The following EYA3 variants were observed in gnomAD, a reference collection of about 807,000 sequenced individuals.
EYA3 encodes protein phosphatase EYA3.
In EYA3, 39 loss-of-function variants were observed where a neutral mutation model predicts 80.0. That is an observed-to-expected ratio of 0.49 (90% CI 0.38 to 0.64). The LOEUF is 0.64. Ranked by LOEUF, EYA3 falls within the 30% of genes least tolerant of loss-of-function variation. The probability of loss-of-function intolerance (pLI) is 0.00; values close to 1 mark genes in which losing one functional copy is unlikely to be tolerated. For missense variants in EYA3, 523 were observed against 676.1 expected (o/e 0.77, Z 2.51); for synonymous variants, 206 against 232.8 (o/e 0.88, Z 1.05).
chr1:28,069,626 A>AG (rs1644953732), intron 1 of EYA3, among the ~76,000 whole-genome samples: 1 of 146,160 alleles, frequency 6.8e-6, no homozygotes, highest in East Asian at 2.1e-4. Flanking sequence ...AGGGAAGAGG[A>AG]GAAGGAAGGA....
In EYA3 at chr1:28,079,379, T is replaced by C. The variant is rs369324810; in HGVS notation, c.-69+9145A>G. ...GTTATTTCACCTGACCATATACACATGAGCAAACTGCTTCATTCCTCAGTC... is the reference window on the plus strand; with the variant it reads ...GTTATTTCACCTGACCATATACACACGAGCAAACTGCTTCATTCCTCAGTC... On this transcript the variant is annotated intron_variant, in intron 1 of 17. Coordinates refer to ENST00000373871, the MANE Select transcript of EYA3 (RefSeq NM_001990.4). 2.4e-4 allele frequency among the ~76,000 whole-genome samples: 36 copies of C among 152,338 alleles called. 1 individual carries two copies. In the South Asian group the frequency reaches 7.5e-3, roughly 32 times the overall value.
chr1:28,030,402 C>T (rs1299969669), intron 6 of EYA3, among the ~76,000 whole-genome samples: 1 of 152,178 alleles, frequency 6.6e-6, no homozygotes, highest in Non-Finnish European at 1.5e-5. Context: ...AAGGGATCCT[C>T]CTGCCTCAAA....
chr1:28,082,602 A>C (rs1203812001), intron 1 of EYA3, among the ~76,000 whole-genome samples: 3 of 152,152 alleles, frequency 2.0e-5, no homozygotes, highest in African/African-American at 7.2e-5. Flanking sequence ...GAATGTCCTT[A>C]ATTTCACATA....
In EYA3 at chr1:27,993,491, A is replaced by G. The variant is rs1417671363; in HGVS notation, c.1212T>C (p.Gly404=). The change falls in exon 14 of 18, where the codon GGT becomes GGC. Residue 404 remains glycine (G), a synonymous_variant. Transcript: ENST00000373871. The part of the protein sequence containing the change: ...GGSGSHGSSV[G]VQGGVDWMRK... The stretch of plus-strand genomic sequence containing the variant: ...TCATCCAGTCCACACCTCCCTGAAC[A>G]CCCACAGATGAACCATGGCTGCCAC... 1 of 1,612,520 alleles carries G rather than the reference A, an allele frequency of 6.2e-7. No individual in the cohort carries two copies. Among genetic ancestry groups the G allele is most frequent in the Non-Finnish European group, 8.5e-7 (1 of 1,179,114 alleles).
chr1:28,052,552 C>G (rs1011403312), intron 2 of EYA3, among the ~76,000 whole-genome samples: 1 of 152,144 alleles, frequency 6.6e-6, no homozygotes, highest in African/African-American at 2.4e-5. Flanking sequence ...ACTCGTACCT[C>G]AAGCCATATG....
At chr1:28,058,198 A>T in intron 1 of EYA3, 104 bp from the exon 2 acceptor site, 1 of 447,348 alleles carries the variant, frequency 2.2e-6, no homozygotes, top group South Asian at 6.1e-5. Context: ...CAAGCTTTCT[A>T]CGTGAGTTCC....
At chr1:28,058,355 T>TTGAA (rs1370937695) in intron 1 of EYA3, among the ~76,000 whole-genome samples, 3 of 152,310 alleles carry the variant, frequency 2.0e-5, no homozygotes, top group African/African-American at 7.2e-5. Flanking sequence ...GCCTAATGCA[T>TTGAA]TGAACATTTT....
At chr1:28,015,240 T>C (rs1053163738) in intron 8 of EYA3, among the ~76,000 whole-genome samples, 1 of 152,198 alleles carries the variant, frequency 6.6e-6, no homozygotes, top group Non-Finnish European at 1.5e-5. Flanking sequence ...AGTAAGAACA[T>C]GAATAGGCTC....
chr1:28,025,766 A>G (rs755720313), intron 7 of EYA3, among the ~76,000 whole-genome samples: 1 of 151,876 alleles, frequency 6.6e-6, no homozygotes, highest in Non-Finnish European at 1.5e-5. Context: ...TTAAATTTCT[A>G]TTTATTTTTT....
chr1:28,033,391 A>C (rs1643258539), intron 6 of EYA3, among the ~76,000 whole-genome samples: 1 of 152,068 alleles, frequency 6.6e-6, no homozygotes, highest in East Asian at 1.9e-4. Context: ...CATTACCCCA[A>C]CCAAAATCTC....
intron 1 of EYA3, among the ~76,000 whole-genome samples, chr1:28,068,004 C>A (rs1013412339): frequency 5.9e-5 from 9 of 152,278 alleles, no homozygotes; most frequent in African/African-American, 2.2e-4. Flanking sequence ...ACTCCCTTGT[C>A]TGAAGTTTTT....
At chr1:27,980,441 A>G (rs191179286) in intron 16 of EYA3, among the ~76,000 whole-genome samples, 1 of 152,344 alleles carries the variant, frequency 6.6e-6, no homozygotes, top group East Asian at 1.9e-4. Context: ...GGATAAGAAC[A>G]CAGACATTTT....
intron 14 of EYA3, among the ~76,000 whole-genome samples, chr1:27,991,448 A>G (rs1443038812): frequency 6.6e-6 from 1 of 152,218 alleles, no homozygotes; most frequent in Non-Finnish European, 1.5e-5. Context: ...GAGAGCTCAT[A>G]TGATGGGAGC....
At position 28,075,997 on chromosome 1, in the gene EYA3, C is replaced by T. The variant is rs80312082; in HGVS notation, c.-69+12527G>A. The stretch of plus-strand genomic sequence containing the variant: ...AAAGCAGACACAAATATCCAGCAGA[C>T]CTACACTCAGCTAACCTCTCTTAAG... On this transcript the variant is annotated intron_variant, in intron 1 of 17. Coordinates refer to ENST00000373871, the MANE Select transcript of EYA3 (RefSeq NM_001990.4). Among the ~76,000 whole-genome samples the T allele has an allele frequency of 3.1e-3, 470 of 151,854 alleles. 20 individuals are homozygous for T. In the East Asian group the frequency reaches 0.081, roughly 26 times the overall value.
rs774801283 is a variant in EYA3, at chr1:28,011,087, C to T, written c.770-1G>A. Reference sequence around the variant, plus strand: ...AAAGATGGACTTGTAGAAGGGTCTCCTGGAAAGAAAAAGTGAAACATATGT... The same window carrying T: ...AAAGATGGACTTGTAGAAGGGTCTCTTGGAAAGAAAAAGTGAAACATATGT... On this transcript the variant is annotated splice_acceptor_variant, in intron 9 of 17. Coordinates refer to ENST00000373871, the MANE Select transcript of EYA3 (RefSeq NM_001990.4). LOFTEE classifies it high-confidence loss of function. 6.2e-7 allele frequency: 1 copy of T among 1,610,320 alleles called. No individual in the cohort carries two copies. The highest frequency in any genetic ancestry group is 8.5e-7 in the Non-Finnish European group (1 of 1,178,944).
At chr1:28,040,015 A>T (rs982461928) in intron 4 of EYA3, among the ~76,000 whole-genome samples, 6 of 152,208 alleles carry the variant, frequency 3.9e-5, no homozygotes, top group African/African-American at 1.4e-4. Context: ...TCTGGAAGGA[A>T]TCAACAACAT....
rs1045532509 is a variant in EYA3 at position 28,078,064 on chromosome 1, C to T, written c.-69+10460G>A. Reference sequence around the variant, plus strand: ...TTTACCCCTTCAAAACTCCATCAGACAGGATAATATAAGTGTTTGTTAAAG... The same window carrying T: ...TTTACCCCTTCAAAACTCCATCAGATAGGATAATATAAGTGTTTGTTAAAG... On this transcript the variant is annotated intron_variant, in intron 1 of 17. Transcript: ENST00000373871. Among the ~76,000 whole-genome samples, 9 of 152,072 alleles carry T rather than the reference C, an allele frequency of 5.9e-5. No individual in the cohort carries two copies. In the East Asian group the frequency reaches 1.7e-3, roughly 29 times the overall value.
Position 27,989,820 on chromosome 1 carries a change from A to G in EYA3, c.1304-9T>C, listed in dbSNP as rs762436367. ...CTGGGGACTGAGGAGACCTTTAGGA[A>G]TAAAAGCAGACACATTTATCATTTG... On this transcript the variant is annotated splice_polypyrimidine_tract_variant and intron_variant, in intron 14 of 17. Transcript: ENST00000373871. 2.6e-6 allele frequency: 4 copies of G among 1,534,918 alleles called. No homozygotes were observed. The highest frequency in any genetic ancestry group is 2.3e-5 in the South Asian group (2 of 85,620).
At chr1:28,061,693 A>G (rs904698096) in intron 1 of EYA3, among the ~76,000 whole-genome samples, 1 of 151,272 alleles carries the variant, frequency 6.6e-6, no homozygotes, top group Non-Finnish European at 1.5e-5. Flanking sequence ...TCCGCCTCCC[A>G]GGTTCACGCC....
Sources: allele counts gnomAD v4.1 joint callset (sites outside exome capture counted in the v4.1 genomes callset), GRCh38; gene constraint gnomAD v4.1.1; transcripts MANE v1.5; gene names NCBI Gene and HGNC (gene_info 2026-07-23, HGNC 2026-07-21).